Variants in CUX1 observed in about 807,000 individuals in gnomAD.
CUX1 encodes the protein cut like homeobox 1, also known as protein CASP.
In CUX1, 31 loss-of-function variants were observed where a neutral mutation model predicts 158.8. The observed-to-expected ratio is 0.20, with a 90% confidence interval of 0.15 to 0.26. The LOEUF is 0.26. CUX1 is among the 10% of genes least tolerant of loss of function. CUX1 has a pLI of 1.00. For missense variants in CUX1, 1,589 were observed against 2,014.6 expected (o/e 0.79, Z 4.04); for synonymous variants, 879 against 862.1 (o/e 1.02, Z -0.34).
intron 8 of CUX1, among the ~76,000 whole-genome samples, chr7:102,127,228 A>ATAGG (rs1411899294): frequency 3.3e-5 from 5 of 152,154 alleles, no homozygotes; most frequent in African/African-American, 1.2e-4. Flanking sequence ...TTTTTACGAG[A>ATAGG]TAGGGTCTCA....
chr7:101,828,620 C>T (rs1196775607), intron 1 of CUX1, among the ~76,000 whole-genome samples: 1 of 152,216 alleles, frequency 6.6e-6, no homozygotes, highest in Non-Finnish European at 1.5e-5. Context: ...TCTGCCTTGT[C>T]CCCCAGACCC....
Position 102,249,428 on chromosome 7 carries a change from T to C in CUX1, c.*386T>C, listed in dbSNP as rs532237620. ...GGAGCATTAAGCCCAATCTATGTCGTGTTTTCAAGGAAGAAAACGGAAATG... is the reference window on the plus strand; with the variant it reads ...GGAGCATTAAGCCCAATCTATGTCGCGTTTTCAAGGAAGAAAACGGAAATG... On this transcript the variant is annotated 3_prime_UTR_variant, in exon 24 of 24. Coordinates refer to ENST00000292535, the MANE Select transcript of CUX1 (RefSeq NM_181552.4). 26 of 986,856 alleles carry C rather than the reference T, an allele frequency of 2.6e-5. 1 individual carries two copies. In the South Asian group the frequency reaches 1.0e-3, roughly 39 times the overall value. 61.1% of individuals were successfully genotyped at this position (986,856 alleles called of 1,614,324 possible).
intron 18 of CUX1, chr7:102,278,130 C>T: frequency 8.1e-7 from 1 of 1,234,120 alleles, no homozygotes; most frequent in Non-Finnish European, 1.2e-6. Context: ...GATCAGGGCT[C>T]TGGAGATGGG....
intron 1 of CUX1, among the ~76,000 whole-genome samples, chr7:101,842,189 T>G (rs895252703): frequency 6.6e-6 from 1 of 152,204 alleles, no homozygotes; most frequent in African/African-American, 2.4e-5. Context: ...ATCTATGAGG[T>G]CTTCTTTTTG....
intron 9 of CUX1, among the ~76,000 whole-genome samples, chr7:102,168,445 C>T (rs1236602198): frequency 2.6e-5 from 4 of 152,048 alleles, no homozygotes; most frequent in South Asian, 4.2e-4. Context: ...GTCAGGAGTT[C>T]GATACCAGCC....
At chr7:102,205,901 G>A (rs919609039) in intron 20 of CUX1, among the ~76,000 whole-genome samples, 21 of 152,114 alleles carry the variant, frequency 1.4e-4, no homozygotes, top group African/African-American at 3.6e-4. Context: ...CTCCCTTCTC[G>A]TGCGCCAATC....
At chr7:101,909,735 C>T (rs1562994595) in intron 1 of CUX1, among the ~76,000 whole-genome samples, 1 of 152,158 alleles carries the variant, frequency 6.6e-6, no homozygotes, top group Non-Finnish European at 1.5e-5. Flanking sequence ...CTGATGTGGC[C>T]AGCCCAAGTA....
Position 102,087,207 on chromosome 7 carries a change from G to C in CUX1, c.269-10157G>C, listed in dbSNP as rs534888250. Among the ~76,000 whole-genome samples the C allele has an allele frequency of 9.9e-5, 15 of 151,974 alleles. No homozygotes were observed. In the South Asian group the frequency reaches 2.9e-3, roughly 30 times the overall value. On this transcript the variant is annotated intron_variant, in intron 4 of 23. Transcript: ENST00000292535. The stretch of plus-strand genomic sequence containing the variant: ...TTTTTCTTGTATTTTTCCTGCTTTT[G>C]ATTAACTGATTTTTTTAATGTTTTT...
intron 2 of CUX1, among the ~76,000 whole-genome samples, chr7:101,953,343 C>T (rs1809339850): frequency 1.3e-5 from 2 of 152,168 alleles, no homozygotes; most frequent in African/African-American, 2.4e-5. Context: ...TAAATACATT[C>T]CCGGCCCTCA....
chr7:101,977,923 G>A (rs1331155082), intron 2 of CUX1, among the ~76,000 whole-genome samples: 1 of 152,096 alleles, frequency 6.6e-6, no homozygotes, highest in East Asian at 1.9e-4. Flanking sequence ...CATGAGATGT[G>A]ACTGAGCTCT....
chr7:101,866,538 G>A (rs1169314515), intron 1 of CUX1, among the ~76,000 whole-genome samples: 1 of 152,086 alleles, frequency 6.6e-6, no homozygotes, highest in Non-Finnish European at 1.5e-5. Flanking sequence ...AGGCTGAGGT[G>A]GGAGGATCAC....
intron 11 of CUX1, among the ~76,000 whole-genome samples, chr7:102,183,547 T>C: frequency 6.6e-6 from 1 of 152,154 alleles, no homozygotes; most frequent in East Asian, 1.9e-4. Context: ...TGAGGAACCA[T>C]GGAGACACAT....
In CUX1 at chr7:102,183,294, G is replaced by A. The variant is rs182810892; in HGVS notation, c.1017+4637G>A. ...CTCCCAGAGTGCTGGGATTACAGGC[G>A]TGAGCCATCGCGCCCGGCCCCATCT... On this transcript the variant is annotated intron_variant, in intron 11 of 23. Coordinates refer to ENST00000292535, the MANE Select transcript of CUX1 (RefSeq NM_181552.4). 5.6e-3 allele frequency among the ~76,000 whole-genome samples: 852 copies of A among 152,018 alleles called. 4 individuals carry two copies. The highest frequency in any genetic ancestry group is 0.01 in the Middle Eastern group (3 of 292).
chr7:101,965,165 A>G (rs1228752741), intron 2 of CUX1, among the ~76,000 whole-genome samples: 1 of 152,226 alleles, frequency 6.6e-6, no homozygotes, highest in Non-Finnish European at 1.5e-5. Flanking sequence ...CTCGAACAGC[A>G]ACATATGAGT....
At chr7:102,189,755 G>C in intron 11 of CUX1, 58 bp from the exon 12 acceptor site, 1 of 1,580,962 alleles carries the variant, frequency 6.3e-7, no homozygotes, top group Non-Finnish European at 8.7e-7. Flanking sequence ...TGCCGTCGGT[G>C]AAGTCCGTCG....
chr7:102,233,251 T>A (rs1027556955), intron 21 of CUX1, among the ~76,000 whole-genome samples: 5 of 144,740 alleles, frequency 3.5e-5, no homozygotes, highest in Non-Finnish European at 6.0e-5. Flanking sequence ...AGTGGTGCAA[T>A]CATAGCTCAC....
At chr7:101,865,970 C>T (rs1797893853) in intron 1 of CUX1, among the ~76,000 whole-genome samples, 1 of 151,638 alleles carries the variant, frequency 6.6e-6, no homozygotes, top group African/African-American at 2.4e-5. Flanking sequence ...AGCCTCCGGT[C>T]AAAAAAAATC....
chr7:102,276,645 A>C (rs1391761068), intron 17 of CUX1, among the ~76,000 whole-genome samples: 1 of 152,218 alleles, frequency 6.6e-6, no homozygotes, highest in Non-Finnish European at 1.5e-5. Context: ...TTATTCAAGC[A>C]TTTGAATAAA....
At chr7:102,178,880 T>C (rs1210641700) in intron 11 of CUX1, among the ~76,000 whole-genome samples, 3 of 152,318 alleles carry the variant, frequency 2.0e-5, no homozygotes, top group East Asian at 1.9e-4. Context: ...CTCTTTTTTT[T>C]TGGAGTCGGA....
Sources: gnomAD v4.1 joint callset for allele counts (sites outside exome capture counted in the v4.1 genomes callset) on GRCh38, gnomAD v4.1.1 for gene constraint, MANE v1.5 for transcripts, NCBI Gene and HGNC (gene_info 2026-07-23, HGNC 2026-07-21) for gene names.